Variants in C10orf67 observed in about 807,000 individuals in gnomAD.
C10orf67 encodes uncharacterized protein C10orf67, mitochondrial.
Under a neutral mutation model 35.6 loss-of-function variants are expected in C10orf67, and 60 were observed. That is an observed-to-expected ratio of 1.68 (90% CI 1.37 to 2.09). The LOEUF (loss-of-function observed/expected upper bound fraction) is 2.09, where lower values mean the gene tolerates loss of function less well. Ranked by LOEUF, C10orf67 falls within the 30% of genes most tolerant of loss-of-function variation. C10orf67 has a pLI of 0.00. For missense variants in C10orf67, 474 were observed against 330.2 expected, an observed-to-expected ratio of 1.44 and a Z score of -3.38; for synonymous variants, 167 against 115.8, an observed-to-expected ratio of 1.44 and a Z score of -2.84.
At chr10:23,311,033 C>G (rs534770289) in intron 4 of C10orf67, among the ~76,000 whole-genome samples, 3 of 151,410 alleles carry the variant, frequency 2.0e-5, no homozygotes, top group Non-Finnish European at 4.4e-5. Context: ...GTGGCATGAT[C>G]GTTGCTCACT....
chr10:23,297,190 G>C (rs1047993536), intron 5 of C10orf67, among the ~76,000 whole-genome samples: 8 of 151,502 alleles, frequency 5.3e-5, no homozygotes, highest in Non-Finnish European at 1.0e-4. Context: ...CCTTGTGGCT[G>C]TTTTGGCTTC....
At chr10:23,220,109 C>T (rs1841538624) in intron 15 of C10orf67, among the ~76,000 whole-genome samples, 1 of 151,992 alleles carries the variant, frequency 6.6e-6, no homozygotes, top group Non-Finnish European at 1.5e-5. Context: ...GAATTTGAGA[C>T]TGCAGTGAGC....
At chr10:23,315,949 G>C (rs941408732) in intron 4 of C10orf67, among the ~76,000 whole-genome samples, 1 of 152,170 alleles carries the variant, frequency 6.6e-6, no homozygotes, top group African/African-American at 2.4e-5. Context: ...CTCCTCAGTA[G>C]GTAGGACTAC....
chr10:23,216,190 A>G (rs990799891), intron 15 of C10orf67, among the ~76,000 whole-genome samples: 1 of 152,232 alleles, frequency 6.6e-6, no homozygotes, highest in South Asian at 2.1e-4. Context: ...CCACCCAATT[A>G]TAGAAAAATC....
chr10:23,290,013 T>G (rs538945331), intron 6 of C10orf67, 55 bp from the exon 7 acceptor site: 1 of 712,246 alleles, frequency 1.4e-6, no homozygotes, highest in African/African-American at 1.7e-5. Flanking sequence ...TATGCCCCTG[T>G]ATTTAAACGG....
intron 1 of C10orf67, 60 bp from the exon 2 acceptor site, chr10:23,333,242 T>C: frequency 2.1e-6 from 3 of 1,434,490 alleles, no homozygotes; most frequent in Non-Finnish European, 2.9e-6. Context: ...GAAATAGATG[T>C]TAATGCGTCT....
chr10:23,280,634 G>A lies in C10orf67; in HGVS notation c.975+1379C>T, dbSNP rs145711995. ...CTCTTTCGCTGTCGTGGGGTTTGTG[G>A]TGCAGGCTCTTGCTGCTTGGCAACA... On this transcript the variant is annotated intron_variant, in intron 8 of 15. Transcript: ENST00000636213. Among the ~76,000 whole-genome samples, 584 of 152,268 alleles carry A rather than the reference G, an allele frequency of 3.8e-3. 4 individuals carry two copies. The Middle Eastern group carries it at 0.041, about 11-fold the overall frequency.
intron 1 of C10orf67, among the ~76,000 whole-genome samples, chr10:23,343,510 G>C (rs899226731): frequency 2.0e-5 from 3 of 152,178 alleles, no homozygotes; most frequent in Non-Finnish European, 4.4e-5. Context: ...AGCAGCCCGA[G>C]GGGACTAAGA....
rs369352208 is a variant in C10orf67, at chr10:23,250,613, T to C, written c.1279A>G (p.Arg427Gly). Residue 427 changes from arginine (R) to glycine (G), a missense_variant and splice_region_variant, in exon 11 of 16, where the codon AGG becomes GGG. Arg to Gly is a moderately radical substitution (Grantham distance 125). Coordinates refer to ENST00000636213, the MANE Select transcript of C10orf67 (RefSeq NM_001371909.1). ...TGCCTTTTACTCTATTACCAGTACCTTTCCACCTTCTTTTTCTCATTCTCT... is the reference window on the plus strand; with the variant it reads ...TGCCTTTTACTCTATTACCAGTACCCTTCCACCTTCTTTTTCTCATTCTCT... ...NLENEKKKVE[R>G]FRKEADRLNK... The C allele has an allele frequency of 7.5e-6, 3 of 398,696 alleles. No homozygotes were observed. In the South Asian group the frequency reaches 3.8e-4, roughly 51 times the overall value. The allele number at this position is 398,696 out of a possible 1,614,324, so 24.7% of individuals were successfully genotyped here.
At chr10:23,278,874 G>A (rs1221469842) in intron 8 of C10orf67, among the ~76,000 whole-genome samples, 1 of 152,178 alleles carries the variant, frequency 6.6e-6, no homozygotes, top group Non-Finnish European at 1.5e-5. Flanking sequence ...AATTCATGGG[G>A]CTCATTCTGA....
chr10:23,248,432 A>G (rs1842369432), intron 12 of C10orf67, among the ~76,000 whole-genome samples: 1 of 152,184 alleles, frequency 6.6e-6, no homozygotes, highest in South Asian at 2.1e-4. Flanking sequence ...TCTTCCTGGA[A>G]ATAAGAACTC....
chr10:23,257,755 A>T (rs1349517247), intron 10 of C10orf67, among the ~76,000 whole-genome samples: 2 of 151,546 alleles, frequency 1.3e-5, no homozygotes, highest in Non-Finnish European at 2.9e-5. Context: ...GTGAGCTGAG[A>T]TCACAGCACT....
At chr10:23,316,997 G>A (rs1247550676) in intron 4 of C10orf67, 1 of 152,414 alleles carries the variant, frequency 6.6e-6, no homozygotes, top group African/African-American at 2.4e-5. Flanking sequence ...TGGGTTGAAG[G>A]TGGAGCTTCA....
At chr10:23,274,979 G>T (rs1159898398) in intron 8 of C10orf67, among the ~76,000 whole-genome samples, 4 of 152,088 alleles carry the variant, frequency 2.6e-5, no homozygotes, top group Non-Finnish European at 5.9e-5. Context: ...AGCTTCAGCC[G>T]GTCCCTCTGT....
chr10:23,273,385 T>A (rs555824673), intron 8 of C10orf67, among the ~76,000 whole-genome samples: 1 of 152,350 alleles, frequency 6.6e-6, no homozygotes, highest in South Asian at 2.1e-4. Flanking sequence ...TTTTTTATCA[T>A]GAATGGAAAT....
intron 7 of C10orf67, among the ~76,000 whole-genome samples, chr10:23,284,039 C>G (rs1042464404): frequency 6.6e-6 from 1 of 151,234 alleles, no homozygotes; most frequent in East Asian, 1.9e-4. Flanking sequence ...CATGCTTAGC[C>G]CAGATAGATG....
At chr10:23,324,697 A>C (rs2132352665) in intron 2 of C10orf67, among the ~76,000 whole-genome samples, 1 of 152,206 alleles carries the variant, frequency 6.6e-6, no homozygotes, top group Non-Finnish European at 1.5e-5. Context: ...TCCCATAAGA[A>C]CCATGGCAAT....
At chr10:23,213,279 A>G (rs1205231056) in intron 15 of C10orf67, among the ~76,000 whole-genome samples, 1 of 152,242 alleles carries the variant, frequency 6.6e-6, no homozygotes, top group Non-Finnish European at 1.5e-5. Context: ...AGAAATCAGC[A>G]TAGAAAATGT....
At chr10:23,271,947 A>G (rs965091777) in intron 8 of C10orf67, among the ~76,000 whole-genome samples, 2 of 152,180 alleles carry the variant, frequency 1.3e-5, no homozygotes, top group African/African-American at 4.8e-5. Context: ...TCTGTCACCC[A>G]GGCTGGAGTG....
Sources: allele counts gnomAD v4.1 joint callset (sites outside exome capture counted in the v4.1 genomes callset), GRCh38; gene constraint gnomAD v4.1.1; transcripts MANE v1.5; gene names NCBI Gene and HGNC (gene_info 2026-07-23, HGNC 2026-07-21).